Variants in ATRX observed in about 807,000 individuals in gnomAD.
ATRX encodes the protein ATRX chromatin remodeler.
Under a neutral mutation model 172.6 loss-of-function variants are expected in ATRX, and 12 were observed. The observed-to-expected ratio is 0.07, with a 90% CI of 0.04 to 0.11. The LOEUF (loss-of-function observed/expected upper bound fraction) is 0.11, where lower values mean the gene tolerates loss of function less well. ATRX is among the 10% of genes least tolerant of loss of function. The pLI is 1.00. For synonymous variants in ATRX, 674 were observed against 594.7 expected (o/e 1.13, Z -1.94); for missense variants, 1,368 against 1,767.4 (o/e 0.77, Z 4.05).
At chrX:77,698,538 C>T (rs1557151387) in intron 3 of ATRX, 36 bp downstream of exon 3, 8 of 1,159,414 alleles carry the variant, frequency 6.9e-6, no homozygotes, top group South Asian at 3.6e-5. Context: ...CTTGGTTAAT[C>T]GTAACTAACA....
chrX:77,777,269 T>C (rs1471552197), intron 1 of ATRX, among the ~76,000 whole-genome samples: 1 of 92,087 alleles, frequency 1.1e-5, no homozygotes, highest in African/African-American at 4.2e-5. Context: ...AAATCCCACC[T>C]ACTCGTGAGG....
chrX:77,753,774 GA>G, intron 1 of ATRX, among the ~76,000 whole-genome samples: 1 of 111,458 alleles, frequency 9.0e-6, no homozygotes, highest in African/African-American at 3.2e-5. Context: ...GTGGGGTTTT[GA>G]GTGAATAAGT....
At chrX:77,552,889 C>T (rs193144555) in intron 30 of ATRX, among the ~76,000 whole-genome samples, 3 of 110,740 alleles carry the variant, frequency 2.7e-5, no homozygotes, top group East Asian at 2.9e-4. Context: ...GAAGTGCTTT[C>T]GGGACTACCA....
At chrX:77,761,958 C>T (rs1367275253) in intron 1 of ATRX, among the ~76,000 whole-genome samples, 3 of 111,308 alleles carry the variant, frequency 2.7e-5, no homozygotes, top group Non-Finnish European at 5.6e-5. Flanking sequence ...CCAGGTTCAT[C>T]TATGTTGTCA....
chrX:77,601,840 T>C lies in ATRX; in HGVS notation c.5567-1276A>G, dbSNP rs900228309. 4.5e-5 allele frequency among the ~76,000 whole-genome samples: 5 copies of C among 112,204 alleles called. No homozygotes were observed. The East Asian group carries it at 1.4e-3, about 31-fold the overall frequency. On this transcript the variant is annotated intron_variant, in intron 22 of 34. Transcript: ENST00000373344. ...ATCTGCTGAGTATTATTTTGCCTGA[T>C]AGAGGTTATTTCCATTGTGTAACAG...
At chrX:77,610,280 CA>C (rs1557093241) in intron 22 of ATRX, among the ~76,000 whole-genome samples, 1 of 112,127 alleles carries the variant, frequency 8.9e-6, no homozygotes, top group Non-Finnish European at 1.9e-5. Flanking sequence ...ATATAAGAAG[CA>C]AAAGTGACAT....
intron 26 of ATRX, among the ~76,000 whole-genome samples, chrX:77,590,759 A>T (rs977807013): frequency 1.8e-5 from 2 of 112,041 alleles, no homozygotes; most frequent in Middle Eastern, 9.1e-3. Context: ...AAAATAACTT[A>T]AAATGGAGCA....
At chrX:77,731,118 A>C (rs1282594574) in intron 1 of ATRX, among the ~76,000 whole-genome samples, 8 of 110,237 alleles carry the variant, frequency 7.3e-5, no homozygotes, top group African/African-American at 2.6e-4. Flanking sequence ...AAGAAGATCC[A>C]AATATATAAA....
chrX:77,784,288 C>G (rs2076661965), intron 1 of ATRX, among the ~76,000 whole-genome samples: 1 of 111,986 alleles, frequency 8.9e-6, no homozygotes, highest in African/African-American at 3.2e-5. Context: ...TAAAGAACGA[C>G]AATAAGCACT....
intron 1 of ATRX, among the ~76,000 whole-genome samples, chrX:77,779,786 G>T (rs1603349492): frequency 8.9e-6 from 1 of 112,005 alleles, no homozygotes; most frequent in East Asian, 2.8e-4. Flanking sequence ...ATATACATGT[G>T]AATACTACTG....
At chrX:77,761,459 C>T (rs1359176998) in intron 1 of ATRX, among the ~76,000 whole-genome samples, 1 of 110,973 alleles carries the variant, frequency 9.0e-6, no homozygotes. Context: ...ATCGCTTGAG[C>T]CTGGGAGGTC....
At position 77,521,623 on chromosome X, in the gene ATRX, A is replaced by G; in HGVS notation, c.6976-125T>C. On this transcript the variant is annotated intron_variant, in intron 32 of 34. Transcript: ENST00000373344. ...AAAACTCTTTAAATAATTGAAGAGA[A>G]CAGCAAAATTCAGTATCAATAAAGT... 4 of 496,484 alleles carry G rather than the reference A, an allele frequency of 8.1e-6. No homozygotes were observed. The Admixed American group carries it at 1.1e-4, about 14-fold the overall frequency. The allele number at this position is 496,484 out of a possible 1,213,427, so 40.9% of individuals were successfully genotyped here. A position where few individuals can be genotyped will look rare whatever the true frequency, so the allele number is the denominator to read the frequency against.
chrX:77,560,979 T>C (rs1440820769), intron 28 of ATRX, among the ~76,000 whole-genome samples: 2 of 111,291 alleles, frequency 1.8e-5, no homozygotes, highest in African/African-American at 6.5e-5. Flanking sequence ...TACTATGTTA[T>C]GCGGAAGAAA....
At chrX:77,512,779 G>T (rs2062913638) in intron 34 of ATRX, among the ~76,000 whole-genome samples, 1 of 111,051 alleles carries the variant, frequency 9.0e-6, no homozygotes, top group Admixed American at 9.6e-5. Flanking sequence ...TGAGGCAGGA[G>T]AATCGCTCAA....
intron 25 of ATRX, among the ~76,000 whole-genome samples, chrX:77,598,977 T>G (rs2066566109): frequency 8.9e-6 from 1 of 112,015 alleles, no homozygotes; most frequent in South Asian, 3.7e-4. Flanking sequence ...TCACACTTGA[T>G]TATCTGAAAT....
intron 22 of ATRX, among the ~76,000 whole-genome samples, chrX:77,606,288 C>T (rs1392564999): frequency 9.1e-6 from 1 of 110,257 alleles, no homozygotes; most frequent in East Asian, 2.8e-4. Context: ...GCCCCAACCC[C>T]ATCCCCCAAA....
chrX:77,560,328 T>C (rs2064974331), intron 28 of ATRX, among the ~76,000 whole-genome samples: 2 of 111,573 alleles, frequency 1.8e-5, no homozygotes, highest in African/African-American at 6.5e-5. Context: ...AATCATGATA[T>C]ATTTCCTACA....
rs185700700 is a variant in ATRX, at chrX:77,514,163, G to A, written c.7201-5534C>T. 2.3e-4 allele frequency among the ~76,000 whole-genome samples: 26 copies of A among 112,198 alleles called. No homozygotes were observed. In the Admixed American group the frequency reaches 2.4e-3, roughly 11 times the overall value. ...CTCATGGATAGGAAGAATCAATATT[G>A]TTGAAATGGTCATACTGCCCAAAGC... On this transcript the variant is annotated intron_variant, in intron 34 of 34. Coordinates refer to ENST00000373344, the MANE Select transcript of ATRX (RefSeq NM_000489.6).
intron 1 of ATRX, among the ~76,000 whole-genome samples, chrX:77,733,443 A>G (rs908122496): frequency 4.5e-5 from 5 of 111,480 alleles, no homozygotes; most frequent in Non-Finnish European, 3.8e-5. Flanking sequence ...TGATTCTGGC[A>G]TAAAAGCAGA....
Sources: allele counts gnomAD v4.1 joint callset (sites outside exome capture counted in the v4.1 genomes callset), GRCh38; gene constraint gnomAD v4.1.1; transcripts MANE v1.5; gene names NCBI Gene and HGNC (gene_info 2026-07-23, HGNC 2026-07-21).